The following DLG2 variants were observed in gnomAD, a reference collection of about 807,000 sequenced individuals.
DLG2 encodes the protein disks large homolog 2.
A neutral mutation model predicts 132.5 loss-of-function variants in DLG2; 45 were observed. That is an observed-to-expected ratio of 0.34 (90% CI 0.27 to 0.44). The LOEUF is 0.44. Among genes scored for constraint, DLG2 ranks in the 20% least tolerant of loss-of-function variants. The pLI is 1.00. For synonymous variants in DLG2, 424 were observed against 419.6 expected, an observed-to-expected ratio of 1.01 and a Z score of -0.13; for missense variants, 1,045 against 1,196.9, an observed-to-expected ratio of 0.87 and a Z score of 1.87.
rs184706841 is a variant in DLG2 at position 85,600,357 on chromosome 11, T to C, written c.-92-1569A>G. 3.9e-5 allele frequency among the ~76,000 whole-genome samples: 6 copies of C among 152,336 alleles called. No homozygotes were observed. The East Asian group carries it at 1.2e-3, about 29-fold the overall frequency. ...CATTTCATTTGGCCCATAAGCATCA[T>C]TTGATATTGTCACACTCTTGAAAAC... On this transcript the variant is annotated intron_variant, in intron 2 of 27. Coordinates refer to ENST00000376104, the MANE Select transcript of DLG2 (RefSeq NM_001142699.3).
chr11:83,602,284 G>A (rs1194594709), intron 19 of DLG2, among the ~76,000 whole-genome samples: 8 of 152,228 alleles, frequency 5.3e-5, no homozygotes, highest in Middle Eastern at 3.4e-3. Flanking sequence ...GATTTGACCC[G>A]TGCTCTGACA....
At position 84,161,977 on chromosome 11, in the gene DLG2, G is replaced by C. The variant is rs547363345; in HGVS notation, c.624+1484C>G. 2.4e-4 allele frequency among the ~76,000 whole-genome samples: 36 copies of C among 152,184 alleles called. No individual in the cohort carries two copies. In the South Asian group the frequency reaches 6.8e-3, roughly 29 times the overall value. ...ATCTGTCAAACACTTAAGTTTCAAC[G>C]TATATTTTGGTTTAAAAGCACTCAC... On this transcript the variant is annotated intron_variant, in intron 9 of 27. Coordinates refer to ENST00000376104, the MANE Select transcript of DLG2 (RefSeq NM_001142699.3).
chr11:84,672,882 A>G (rs931903851), intron 6 of DLG2, among the ~76,000 whole-genome samples: 4 of 152,140 alleles, frequency 2.6e-5, no homozygotes, highest in African/African-American at 9.7e-5. Flanking sequence ...GAAGCATGGC[A>G]GCATCAGCAT....
chr11:84,632,644 C>T (rs1032562305), intron 6 of DLG2, among the ~76,000 whole-genome samples: 2 of 152,284 alleles, frequency 1.3e-5, no homozygotes, highest in African/African-American at 2.4e-5. Flanking sequence ...GCAGTGGAGA[C>T]AGATGATTCA....
chr11:85,558,226 A>G (rs1009202638), intron 3 of DLG2, among the ~76,000 whole-genome samples: 2 of 151,978 alleles, frequency 1.3e-5, no homozygotes, highest in African/African-American at 2.4e-5. Flanking sequence ...TAATGATCAG[A>G]GAAATGCAGA....
At chr11:84,366,538 C>A (rs1164101474) in intron 7 of DLG2, among the ~76,000 whole-genome samples, 2 of 152,022 alleles carry the variant, frequency 1.3e-5, no homozygotes, top group African/African-American at 2.4e-5. Flanking sequence ...AGAGTCAAGA[C>A]CCATCAGTGT....
rs886528909 is a variant in DLG2 at position 84,021,936 on chromosome 11, G to A, written c.919+37379C>T. 7.9e-5 allele frequency among the ~76,000 whole-genome samples: 12 copies of A among 151,972 alleles called. No homozygotes were observed. The South Asian group carries it at 2.5e-3, about 32-fold the overall frequency. ...CTAATTCTGTATTTTTAGTAGAGAC[G>A]GGGTTTCTCCATGTTGGTCAGGCTG... On this transcript the variant is annotated intron_variant, in intron 11 of 27. Transcript: ENST00000376104.
chr11:84,840,119 C>G (rs2080425376), intron 6 of DLG2, among the ~76,000 whole-genome samples: 1 of 151,978 alleles, frequency 6.6e-6, no homozygotes, highest in Admixed American at 6.6e-5. Flanking sequence ...CCAGAATCCA[C>G]AAAGAACTTA....
At chr11:84,744,898 T>TAAAAAAAAAAAA (rs758776805) in intron 6 of DLG2, among the ~76,000 whole-genome samples, 1 of 71,814 alleles carries the variant, frequency 1.4e-5, no homozygotes, top group Non-Finnish European at 2.9e-5. Flanking sequence ...AGTAAAGGTC[T>TAAAAAAAAAAAA]AAAAAAAAAA....
At chr11:85,382,198 G>T (rs1158195420) in intron 3 of DLG2, among the ~76,000 whole-genome samples, 4 of 152,058 alleles carry the variant, frequency 2.6e-5, no homozygotes, top group Non-Finnish European at 5.9e-5. Flanking sequence ...GCAGAATTGA[G>T]AGTCCAGAAG....
intron 6 of DLG2, among the ~76,000 whole-genome samples, chr11:84,690,139 A>G (rs2057851389): frequency 6.6e-6 from 1 of 151,826 alleles, no homozygotes; most frequent in Non-Finnish European, 1.5e-5. Flanking sequence ...GGAAAAAGAG[A>G]TGGGAAAAGG....
At chr11:85,255,194 C>T (rs947043394) in intron 4 of DLG2, among the ~76,000 whole-genome samples, 11 of 152,138 alleles carry the variant, frequency 7.2e-5, no homozygotes, top group Admixed American at 2.0e-4. Context: ...GCCAACATAT[C>T]CTTTAGAGGG....
intron 6 of DLG2, among the ~76,000 whole-genome samples, chr11:84,791,886 A>G (rs912779361): frequency 6.6e-6 from 1 of 152,110 alleles, no homozygotes; most frequent in Non-Finnish European, 1.5e-5. Context: ...AACAAGGATA[A>G]TTTGGTATCT....
At chr11:84,540,795 C>T (rs1316614004) in intron 6 of DLG2, among the ~76,000 whole-genome samples, 40 of 152,206 alleles carry the variant, frequency 2.6e-4, no homozygotes, top group Admixed American at 2.1e-3. Context: ...CCAACCCAAA[C>T]ATCCATCAAT....
At chr11:84,526,785 T>G (rs570602898) in intron 7 of DLG2, among the ~76,000 whole-genome samples, 3 of 146,910 alleles carry the variant, frequency 2.0e-5, no homozygotes, top group East Asian at 2.0e-4. Flanking sequence ...GTTTTTTTTT[T>G]TTTTTTTTTT....
intron 7 of DLG2, among the ~76,000 whole-genome samples, chr11:84,488,387 G>T (rs574697783): frequency 4.6e-5 from 7 of 152,100 alleles, no homozygotes; most frequent in Non-Finnish European, 1.0e-4. Context: ...AATTGGGGAA[G>T]GCCTTAGTTG....
intron 9 of DLG2, among the ~76,000 whole-genome samples, chr11:84,127,781 T>C (rs1168151179): frequency 2.0e-5 from 3 of 152,176 alleles, no homozygotes; most frequent in Non-Finnish European, 4.4e-5. Context: ...CGTATCTGTC[T>C]CTGTGTCTAA....
intron 6 of DLG2, among the ~76,000 whole-genome samples, chr11:84,935,739 C>T (rs1350976813): frequency 6.6e-6 from 1 of 152,252 alleles, no homozygotes; most frequent in Non-Finnish European, 1.5e-5. Flanking sequence ...AAGAATTATC[C>T]AGCCCAAAAC....
At chr11:83,560,074 G>C (rs951123353) in intron 19 of DLG2, among the ~76,000 whole-genome samples, 1 of 151,694 alleles carries the variant, frequency 6.6e-6, no homozygotes, top group East Asian at 1.9e-4. Flanking sequence ...AAATTTTCAA[G>C]AGAGTATAAT....
Sources: allele counts gnomAD v4.1 joint callset (sites outside exome capture counted in the v4.1 genomes callset), GRCh38; gene constraint gnomAD v4.1.1; transcripts MANE v1.5; gene names NCBI Gene and HGNC (gene_info 2026-07-23, HGNC 2026-07-21).